Variants in CDH4 observed in about 807,000 individuals in gnomAD.
The protein encoded by CDH4 is cadherin 4, also known as cadherin-4.
In CDH4, 33 loss-of-function variants were observed where a neutral mutation model predicts 86.0. That is an observed-to-expected ratio of 0.38 (90% CI 0.29 to 0.51). The LOEUF (loss-of-function observed/expected upper bound fraction) is 0.51. Among genes scored for constraint, CDH4 ranks in the 20% least tolerant of loss-of-function variants. The pLI, the probability that CDH4 is intolerant of heterozygous loss-of-function variation, is 0.86. For synonymous variants in CDH4, 555 were observed against 549.4 expected (o/e 1.01, Z -0.14); for missense variants, 1,114 against 1,307.4 (o/e 0.85, Z 2.28).
At chr20:61,471,441 T>G (rs1175298848) in intron 2 of CDH4, among the ~76,000 whole-genome samples, 3 of 152,010 alleles carry the variant, frequency 2.0e-5, no homozygotes, top group Non-Finnish European at 4.4e-5. Context: ...GCTAAAGGTT[T>G]GTCAATTGTG....
intron 2 of CDH4, among the ~76,000 whole-genome samples, chr20:61,671,417 G>T (rs896345000): frequency 6.6e-6 from 1 of 152,164 alleles, no homozygotes; most frequent in African/African-American, 2.4e-5. Context: ...GATTGCTTGA[G>T]CCCAGAAGTT....
intron 2 of CDH4, among the ~76,000 whole-genome samples, chr20:61,335,384 T>C (rs2084611660): frequency 6.6e-6 from 1 of 152,198 alleles, no homozygotes; most frequent in African/African-American, 2.4e-5. Flanking sequence ...AAATATTCAG[T>C]TGCACTGTGT....
chr20:61,394,145 T>C (rs1369187650), intron 2 of CDH4, among the ~76,000 whole-genome samples: 8 of 152,086 alleles, frequency 5.3e-5, no homozygotes, highest in African/African-American at 1.4e-4. Flanking sequence ...GTGTCTCAGG[T>C]TCAGCCAGTC....
chr20:61,594,644 ACT>A (rs2086542653), intron 2 of CDH4, among the ~76,000 whole-genome samples: 1 of 152,062 alleles, frequency 6.6e-6, no homozygotes, highest in African/African-American at 2.4e-5. Flanking sequence ...CAGCCCTGTG[ACT>A]CTGCTTGTGT....
chr20:61,556,745 C>A lies in CDH4; in HGVS notation c.170-186818C>A, dbSNP rs185688248. The stretch of plus-strand genomic sequence containing the variant: ...AGTGGAGGTCCCCCAGTCTTGGTGC[C>A]CCCCACCTTGGTGCTCTGCCTTGAG... On this transcript the variant is annotated intron_variant, in intron 2 of 15. Coordinates refer to ENST00000614565, the MANE Select transcript of CDH4 (RefSeq NM_001794.5). 2.0e-4 allele frequency among the ~76,000 whole-genome samples: 30 copies of A among 152,230 alleles called. No individual in the cohort carries two copies. In the East Asian group the frequency reaches 5.4e-3, roughly 28 times the overall value.
intron 2 of CDH4, among the ~76,000 whole-genome samples, chr20:61,482,523 A>G (rs1231125856): frequency 6.6e-6 from 1 of 151,970 alleles, no homozygotes; most frequent in African/African-American, 2.4e-5. Context: ...GCCCTCTTTT[A>G]CTGTGGGTGG....
chr20:61,830,233 C>T (rs1981533810), intron 4 of CDH4, among the ~76,000 whole-genome samples: 1 of 152,024 alleles, frequency 6.6e-6, no homozygotes, highest in African/African-American at 2.4e-5. Context: ...GGCGAGTCCT[C>T]TCTTGTCAGA....
chr20:61,286,002 C>A (rs554264217), intron 2 of CDH4, among the ~76,000 whole-genome samples: 150 of 152,310 alleles, frequency 9.8e-4, no homozygotes, highest in Middle Eastern at 3.4e-3. Flanking sequence ...CTTTTCCTTC[C>A]CCCTTCCTAT....
intron 2 of CDH4, among the ~76,000 whole-genome samples, chr20:61,614,977 C>T (rs2086714003): frequency 6.6e-6 from 1 of 152,124 alleles, no homozygotes; most frequent in African/African-American, 2.4e-5. Flanking sequence ...CAGTGAATCC[C>T]ACCCACCCCA....
At chr20:61,650,061 G>A (rs1459936685) in intron 2 of CDH4, among the ~76,000 whole-genome samples, 1 of 152,176 alleles carries the variant, frequency 6.6e-6, no homozygotes, top group East Asian at 1.9e-4. Flanking sequence ...GGCAGTCAGC[G>A]GCTATCCCAG....
At chr20:61,258,888 C>G (rs1323843777) in intron 2 of CDH4, among the ~76,000 whole-genome samples, 3 of 152,252 alleles carry the variant, frequency 2.0e-5, no homozygotes, top group East Asian at 3.9e-4. Flanking sequence ...CAAACACTTT[C>G]TCAGAATCCC....
At chr20:61,893,479 G>A (rs1415670326) in intron 7 of CDH4, among the ~76,000 whole-genome samples, 2 of 123,392 alleles carry the variant, frequency 1.6e-5, no homozygotes, top group African/African-American at 6.1e-5. Flanking sequence ...CGGATGAGTA[G>A]AGGGATGGTG....
intron 2 of CDH4, among the ~76,000 whole-genome samples, chr20:61,350,572 C>A (rs4812312): frequency 0.72 from 99,523 of 139,130 alleles, 36,043 homozygotes; most frequent in African/African-American, 0.85. Flanking sequence ...GGCAGGCCCC[C>A]CACAGTGCTG....
At chr20:61,884,531 G>A (rs906613829) in intron 7 of CDH4, among the ~76,000 whole-genome samples, 14 of 152,010 alleles carry the variant, frequency 9.2e-5, no homozygotes, top group East Asian at 5.8e-4. Context: ...CCGTGTGGCC[G>A]TGCCCCTGAG....
chr20:61,381,318 T>A (rs1338309628), intron 2 of CDH4, among the ~76,000 whole-genome samples: 1 of 152,168 alleles, frequency 6.6e-6, no homozygotes, highest in African/African-American at 2.4e-5. Flanking sequence ...AGTTCTGAAA[T>A]GTAAGGAAGA....
In CDH4 at chr20:61,559,430, G is replaced by A. The variant is rs74909332; in HGVS notation, c.170-184133G>A. On this transcript the variant is annotated intron_variant, in intron 2 of 15. Transcript: ENST00000614565. ...CCGGGAGCCACCTGCAAGAGACGGC[G>A]CGCTGTCGGGAGGAAGGCGGTTTCA... Among the ~76,000 whole-genome samples the A allele has an allele frequency of 6.3e-3, 958 of 152,184 alleles. 12 individuals carry two copies. Among genetic ancestry groups the A allele is most frequent in the African/African-American group, 0.021 (879 of 41,512 alleles).
At chr20:61,647,400 AG>A (rs1568731828) in intron 2 of CDH4, among the ~76,000 whole-genome samples, 1 of 152,196 alleles carries the variant, frequency 6.6e-6, no homozygotes, top group Non-Finnish European at 1.5e-5. Context: ...AAAAAGCCAA[AG>A]GGGTGATTTG....
At position 61,550,174 on chromosome 20, in the gene CDH4, G is replaced by A. The variant is rs575680647; in HGVS notation, c.170-193389G>A. On this transcript the variant is annotated intron_variant, in intron 2 of 15. Coordinates refer to ENST00000614565, the MANE Select transcript of CDH4 (RefSeq NM_001794.5). The stretch of plus-strand genomic sequence containing the variant: ...ATGGCCTCCCTGCCCCAACCTCACT[G>A]GCCTCCCTAGCCTGCTTCCCTGGCC... Among the ~76,000 whole-genome samples the A allele has an allele frequency of 2.7e-5, 4 of 145,588 alleles. No individual in the cohort carries two copies. The East Asian group carries it at 8.3e-4, about 30-fold the overall frequency.
chr20:61,460,283 C>T lies in CDH4; in HGVS notation c.169+205346C>T, dbSNP rs543274540. 2.2e-4 allele frequency among the ~76,000 whole-genome samples: 33 copies of T among 152,280 alleles called. No homozygotes were observed. In the South Asian group the frequency reaches 6.2e-3, roughly 29 times the overall value. On this transcript the variant is annotated intron_variant, in intron 2 of 15. Coordinates refer to ENST00000614565, the MANE Select transcript of CDH4 (RefSeq NM_001794.5). The stretch of plus-strand genomic sequence containing the variant: ...AAGGGAAACCTGCAATCAATATGAG[C>T]AGCTCATCCTGACAGCAGAATTTTG...
Sources: gnomAD v4.1 joint callset for allele counts (sites outside exome capture counted in the v4.1 genomes callset) on GRCh38, gnomAD v4.1.1 for gene constraint, MANE v1.5 for transcripts, NCBI Gene and HGNC (gene_info 2026-07-23, HGNC 2026-07-21) for gene names.